KCP: variants seen among roughly 807,000 people sequenced by gnomAD.
KCP encodes the protein kielin/chordin-like protein.
A neutral mutation model predicts 212.7 loss-of-function variants in KCP; 194 were observed. That is an observed-to-expected ratio of 0.91 (90% CI 0.81 to 1.03). The LOEUF is 1.03. Among genes scored for constraint, KCP ranks in the 50% least tolerant of loss-of-function variants. The pLI is 0.00. For missense variants in KCP, 2,080 were observed against 2,162.5 expected (o/e 0.96, Z 0.76); for synonymous variants, 833 against 865.3 (o/e 0.96, Z 0.65).
At position 128,907,195 on chromosome 7, in the gene KCP, T is replaced by C; in HGVS notation, c.410-18A>G. 1 of 1,549,512 alleles carries C rather than the reference T, an allele frequency of 6.5e-7. No individual in the cohort carries two copies. Among genetic ancestry groups the C allele is most frequent in the South Asian group, 1.2e-5 (1 of 83,904 alleles). ...GCTGCAGCCTAAGGAGACAGCAGTG[T>C]CACTCAAGCACCCCATGCCATCTGC... On this transcript the variant is annotated intron_variant, in intron 3 of 39. Transcript: ENST00000610776.
chr7:128,882,089 C>A (rs555007943), intron 29 of KCP, 73 bp from the exon 30 acceptor site: 203 of 1,154,342 alleles, frequency 1.8e-4, no homozygotes, highest in Non-Finnish European at 2.5e-4. Context: ...TGTCCCCATG[C>A]ACTGTGTCCC....
intron 29 of KCP, among the ~76,000 whole-genome samples, chr7:128,883,172 G>A (rs1036612159): frequency 5.5e-5 from 8 of 145,192 alleles, no homozygotes; most frequent in Admixed American, 1.4e-4. Flanking sequence ...ACAGAATCTC[G>A]CTCTGTTGCC....
At chr7:128,890,633 G>T (rs1156362738) in intron 20 of KCP, 120 bp from the exon 21 acceptor site, 3 of 756,614 alleles carry the variant, frequency 4.0e-6, no homozygotes, top group Admixed American at 3.0e-5. Flanking sequence ...GCTGGAGGTC[G>T]TGGGGGCTGG....
chr7:128,880,404 T>C lies in KCP; in HGVS notation c.3741A>G (p.Ser1247=). The change falls in exon 34 of 40, where the codon TCA becomes TCG. Residue 1247 remains serine, a synonymous_variant. Coordinates refer to ENST00000610776, the MANE Select transcript of KCP (RefSeq NM_001366122.1). ...CACTCACGGGGCCACACGAGAGCGGTGAGCAGCGCTGGCTCTGGCAACGCA... is the reference window on the plus strand; with the variant it reads ...CACTCACGGGGCCACACGAGAGCGGCGAGCAGCGCTGGCTCTGGCAACGCA... ...GTVRCQSQRC[S]PLSCGPDKAP... 6.6e-7 allele frequency: 1 copy of C among 1,521,268 alleles called. No homozygotes were observed. Among genetic ancestry groups the C allele is most frequent in the South Asian group, 1.2e-5 (1 of 82,688 alleles). The allele number at this position is 1,521,268 out of a possible 1,614,324, so 94.2% of individuals were successfully genotyped here.
At chr7:128,887,464 TAC>T (rs956821283) in intron 22 of KCP, among the ~76,000 whole-genome samples, 164 bp from the exon 23 acceptor site, 5 of 134,754 alleles carry the variant, frequency 3.7e-5, no homozygotes, top group African/African-American at 1.1e-4. Flanking sequence ...CACAACCACA[TAC>T]ACACACACAG....
chr7:128,909,911 C>A (rs1169012732), intron 1 of KCP, among the ~76,000 whole-genome samples: 1 of 152,204 alleles, frequency 6.6e-6, no homozygotes, highest in Non-Finnish European at 1.5e-5. Context: ...CCTTCCCAAG[C>A]ACACAGAGGG....
intron 29 of KCP, among the ~76,000 whole-genome samples, chr7:128,882,605 C>G (rs1793397578): frequency 6.6e-6 from 1 of 152,196 alleles, no homozygotes; most frequent in Non-Finnish European, 1.5e-5. Flanking sequence ...CTTCCCTTCC[C>G]CTGAAGCACC....
At chr7:128,899,301 A>C (rs1794703832) in intron 8 of KCP, among the ~76,000 whole-genome samples, 1 of 152,194 alleles carries the variant, frequency 6.6e-6, no homozygotes, top group Non-Finnish European at 1.5e-5. Context: ...GGCTGTCCTA[A>C]AACTTTTTGC....
chr7:128,890,535 G>T, intron 20 of KCP, 22 bp from the exon 21 acceptor site: 1 of 1,534,346 alleles, frequency 6.5e-7, no homozygotes, highest in Non-Finnish European at 8.8e-7. Context: ...GGCAGGGGCT[G>T]GGGGGCCGTG....
Position 128,903,297 on chromosome 7 carries a change from G to A in KCP, c.748+430C>T, listed in dbSNP as rs576826231. 1.3e-4 allele frequency: 35 copies of A among 276,366 alleles called. 1 individual carries two copies. In the South Asian group the frequency reaches 1.4e-3, roughly 11 times the overall value. The allele number at this position is 276,366 out of a possible 1,614,324, so 17.1% of individuals were successfully genotyped here. A position where few individuals can be genotyped will look rare whatever the true frequency, so the allele number is the denominator to read the frequency against. On this transcript the variant is annotated intron_variant, in intron 7 of 39. Transcript: ENST00000610776. ...CCTGGGGACCAGCTGCCTCCAGGAC[G>A]CTTTCCCTCCTGTGCCCAGGCTGGA...
Position 128,887,231 on chromosome 7 carries a change from G to A in KCP, c.2582C>T (p.Ser861Phe), listed in dbSNP as rs1250455625. 1 of 1,551,484 alleles carries A rather than the reference G, an allele frequency of 6.4e-7. No individual in the cohort carries two copies. Among genetic ancestry groups the A allele is most frequent in the Non-Finnish European group, 8.7e-7 (1 of 1,146,834 alleles). The change falls in exon 23 of 40, where the codon TCC becomes TTC. Residue 861 changes from serine (S) to phenylalanine (F), a missense_variant. Ser to Phe is a radical substitution (Grantham distance 155). Coordinates refer to ENST00000610776, the MANE Select transcript of KCP (RefSeq NM_001366122.1). ...TLPDPLDPTC[S>F]LCTCQEGSMR... ...CTGCCTCACCTGGCAGGTGCAGAGG[G>A]AGCAGGTAGGGTCAAGTGGGTCAGG...
At chr7:128,896,607 A>C (rs891069896) in intron 8 of KCP, among the ~76,000 whole-genome samples, 2 of 152,074 alleles carry the variant, frequency 1.3e-5, no homozygotes, top group Non-Finnish European at 2.9e-5. Flanking sequence ...AGATCCCTCC[A>C]TGGCCGGTCG....
At position 128,891,441 on chromosome 7, in the gene KCP, G is replaced by GTCGCT; in HGVS notation, c.1878+9_1878+10insAGCGA. 6.5e-7 allele frequency: 1 copy of GTCGCT among 1,550,094 alleles called. No individual in the cohort carries two copies. The highest frequency in any genetic ancestry group is 8.7e-7 in the Non-Finnish European group (1 of 1,146,506). Reference sequence around the variant, plus strand: ...TCCCCTGGGCGCCTCCCACCCAGGTGCAGACTCACCAGACAGCGACACAGA... The same window carrying GTCGCT: ...TCCCCTGGGCGCCTCCCACCCAGGTGTCGCTCAGACTCACCAGACAGCGACACAGA... On this transcript the variant is annotated intron_variant, in intron 18 of 39. Coordinates refer to ENST00000610776, the MANE Select transcript of KCP (RefSeq NM_001366122.1).
chr7:128,909,697 C>T (rs1039997128), intron 1 of KCP, among the ~76,000 whole-genome samples: 1 of 152,136 alleles, frequency 6.6e-6, no homozygotes, highest in Admixed American at 6.5e-5. Context: ...ATCACACAGC[C>T]GAAGTCTCCC....
chr7:128,880,341 GC>G, intron 34 of KCP, 44 bp downstream of exon 34: 1 of 1,476,372 alleles, frequency 6.8e-7, no homozygotes, highest in South Asian at 1.4e-5. Context: ...GGTACCATGT[GC>G]CCCCACCCTG....
intron 5 of KCP, among the ~76,000 whole-genome samples, chr7:128,905,445 T>A (rs1795077196): frequency 6.6e-6 from 1 of 152,146 alleles, no homozygotes; most frequent in South Asian, 2.1e-4. Context: ...CCAGCACCAC[T>A]GCTATCCTAG....
At chr7:128,905,882 G>A (rs1795097461) in intron 5 of KCP, among the ~76,000 whole-genome samples, 1 of 151,822 alleles carries the variant, frequency 6.6e-6, no homozygotes, top group South Asian at 2.1e-4. Flanking sequence ...GTCTGTAAAG[G>A]CCCCCTGACT....
At position 128,886,707 on chromosome 7, in the gene KCP, T is replaced by C; in HGVS notation, c.2720A>G (p.Asp907Gly). 3.2e-6 allele frequency: 5 copies of C among 1,551,524 alleles called. No individual in the cohort carries two copies. Among genetic ancestry groups the C allele is most frequent in the Non-Finnish European group, 4.4e-6 (5 of 1,146,918 alleles). The change falls in exon 25 of 40, where the codon GAT becomes GGT. Residue 907 changes from aspartate (D) to glycine (G), a missense_variant. Physicochemically the swap from Asp to Gly is moderately conservative, Grantham distance 94. Transcript: ENST00000610776. ...TGCTGGTCCCTCAAACTCCTCCCCA[T>C]CCTGGTGCTCCCGGCCCTGAGAGAG... ...SCLSQGREHQDGEEFEGPAGS... is the reference protein window; with the variant it reads ...SCLSQGREHQGGEEFEGPAGS...
intron 4 of KCP, among the ~76,000 whole-genome samples, chr7:128,906,713 AG>A (rs1248903753): frequency 6.6e-6 from 1 of 152,130 alleles, no homozygotes; most frequent in Non-Finnish European, 1.5e-5. Context: ...TAGGCAGGCC[AG>A]GGGGTTCCGA....
Sources: gnomAD v4.1 joint callset for allele counts (sites outside exome capture counted in the v4.1 genomes callset) on GRCh38, gnomAD v4.1.1 for gene constraint, MANE v1.5 for transcripts, NCBI Gene and HGNC (gene_info 2026-07-23, HGNC 2026-07-21) for gene names.